The following NTRK2 variants were observed in gnomAD, a reference collection of about 807,000 sequenced individuals.
The protein encoded by NTRK2 is BDNF/NT-3 growth factors receptor.
NTRK2 carries 13 observed loss-of-function variants against 94.5 expected under a neutral mutation model. That is an observed-to-expected ratio of 0.14 (90% CI 0.09 to 0.22). NTRK2 has a LOEUF of 0.22. NTRK2 is among the 10% of genes least tolerant of loss of function. The pLI, the probability that NTRK2 is intolerant of heterozygous loss-of-function variation, is 1.00. For synonymous variants in NTRK2, 372 were observed against 407.4 expected (o/e 0.91, Z 1.05); for missense variants, 639 against 1,071.2 (o/e 0.60, Z 5.63).
intron 12 of NTRK2, among the ~76,000 whole-genome samples, chr9:84,798,648 C>T (rs1297492734): frequency 4.6e-5 from 7 of 152,126 alleles, no homozygotes; most frequent in African/African-American, 9.7e-5. Flanking sequence ...CAAAAGTTCC[C>T]GGATACAGTG....
chr9:84,855,122 G>A (rs570556764), intron 12 of NTRK2, among the ~76,000 whole-genome samples: 34 of 152,204 alleles, frequency 2.2e-4, no homozygotes, highest in African/African-American at 7.9e-4. Flanking sequence ...TCTGTAGTAA[G>A]GATCAGAAGT....
chr9:84,720,952 T>G (rs1281197753), intron 6 of NTRK2, among the ~76,000 whole-genome samples: 1 of 152,166 alleles, frequency 6.6e-6, no homozygotes, highest in Non-Finnish European at 1.5e-5. Flanking sequence ...GATTAGAGAA[T>G]TAAATGGACT....
At chr9:84,701,755 A>G (rs1465315017) in intron 2 of NTRK2, among the ~76,000 whole-genome samples, 2 of 152,170 alleles carry the variant, frequency 1.3e-5, no homozygotes, top group African/African-American at 2.4e-5. Context: ...GTGGGGAAAT[A>G]TGTGACTTTT....
At chr9:84,797,986 A>G (rs2069824499) in intron 12 of NTRK2, among the ~76,000 whole-genome samples, 1 of 147,958 alleles carries the variant, frequency 6.8e-6, no homozygotes, top group South Asian at 2.1e-4. Flanking sequence ...ACTCCTGGGT[A>G]TGAGCCATTG....
chr9:84,689,859 C>G (rs979649206), intron 2 of NTRK2, among the ~76,000 whole-genome samples: 1 of 152,158 alleles, frequency 6.6e-6, no homozygotes, highest in African/African-American at 2.4e-5. Context: ...GTTCTAGGTA[C>G]CTCAAAAATG....
chr9:84,673,624 T>C (rs1176670817), intron 2 of NTRK2, among the ~76,000 whole-genome samples: 1 of 152,132 alleles, frequency 6.6e-6, no homozygotes, highest in Non-Finnish European at 1.5e-5. Context: ...GCCCTTAGGG[T>C]TCTAAGAACA....
At chr9:84,972,974 C>G (rs1826363906) in intron 17 of NTRK2, among the ~76,000 whole-genome samples, 1 of 152,218 alleles carries the variant, frequency 6.6e-6, no homozygotes, top group African/African-American at 2.4e-5. Flanking sequence ...CCATTGAGCC[C>G]TCTTTCCATG....
At chr9:84,672,799 A>C (rs1459436550) in intron 2 of NTRK2, among the ~76,000 whole-genome samples, 1 of 152,216 alleles carries the variant, frequency 6.6e-6, no homozygotes, top group Non-Finnish European at 1.5e-5. Context: ...GATGTATATG[A>C]AATCAATTGA....
In NTRK2 at chr9:84,983,724, C is replaced by T. The variant is rs76453163; in HGVS notation, c.2172+28207C>T. On this transcript the variant is annotated intron_variant, in intron 17 of 18. Coordinates refer to ENST00000277120, the MANE Select transcript of NTRK2 (RefSeq NM_006180.6). ...ACAAAAAACTAGTTATTTTAACATC[C>T]CTACTGCCCCTCCGCCCCCACACAC... is the stretch of plus-strand genomic sequence containing the variant. 7.9e-3 allele frequency among the ~76,000 whole-genome samples: 1,208 copies of T among 152,282 alleles called. 18 individuals are homozygous for T. The highest frequency in any genetic ancestry group is 0.028 in the African/African-American group (1,161 of 41,546).
intron 9 of NTRK2, among the ~76,000 whole-genome samples, chr9:84,730,727 C>A (rs1314845212): frequency 1.7e-5 from 1 of 57,466 alleles, no homozygotes; most frequent in Non-Finnish European, 2.9e-5. Context: ...GGCGACAGAG[C>A]GAGACTCCGT....
chr9:84,938,564 C>T (rs11790615), intron 15 of NTRK2, among the ~76,000 whole-genome samples: 3,977 of 152,152 alleles, frequency 0.026, 87 homozygotes, highest in East Asian at 0.059. Context: ...TATTTCTGGG[C>T]TTATTTAATG....
chr9:85,013,621 A>G (rs959666745), intron 17 of NTRK2, among the ~76,000 whole-genome samples: 1 of 152,228 alleles, frequency 6.6e-6, no homozygotes, highest in African/African-American at 2.4e-5. Context: ...TGTAATAAAT[A>G]AATAAATAAG....
chr9:84,918,455 T>C (rs1165462280), intron 14 of NTRK2, among the ~76,000 whole-genome samples: 1 of 152,234 alleles, frequency 6.6e-6, no homozygotes, highest in East Asian at 1.9e-4. Context: ...ATGCAGGGAT[T>C]CACATACCAT....
chr9:84,990,796 GAA>G (rs914674916), intron 17 of NTRK2, among the ~76,000 whole-genome samples: 6 of 152,300 alleles, frequency 3.9e-5, no homozygotes, highest in Admixed American at 3.3e-4. Context: ...GCAACAGGAA[GAA>G]AAGAGACCTG....
chr9:84,719,209 C>T (rs1376308166), intron 6 of NTRK2, among the ~76,000 whole-genome samples: 1 of 152,036 alleles, frequency 6.6e-6, no homozygotes, highest in Non-Finnish European at 1.5e-5. Context: ...TCTATATGTA[C>T]TCGGACAATG....
intron 6 of NTRK2, among the ~76,000 whole-genome samples, chr9:84,720,480 T>C (rs1564121455): frequency 1.3e-5 from 2 of 152,176 alleles, no homozygotes; most frequent in African/African-American, 2.4e-5. Flanking sequence ...TTCCTCAAAA[T>C]GATTTCATGA....
intron 13 of NTRK2, among the ~76,000 whole-genome samples, chr9:84,864,168 A>G (rs2075462747): frequency 1.3e-5 from 2 of 152,118 alleles, no homozygotes; most frequent in Non-Finnish European, 2.9e-5. Flanking sequence ...ATGTTCATGA[A>G]CTTCAGAGCA....
intron 2 of NTRK2, among the ~76,000 whole-genome samples, chr9:84,692,451 CTTTTTTTTCTTTTTTTCT>C (rs1223479565): frequency 7.5e-6 from 1 of 133,226 alleles, no homozygotes; most frequent in Non-Finnish European, 1.6e-5. Flanking sequence ...CTTTTCTTTT[CTTTTTTTTCTTTTTTTCT>C]TTTTTTTTTT....
At chr9:84,975,472 C>G (rs1826725110) in intron 17 of NTRK2, among the ~76,000 whole-genome samples, 2 of 152,148 alleles carry the variant, frequency 1.3e-5, no homozygotes, top group Admixed American at 1.3e-4. Context: ...TCTAGGCAGA[C>G]TAAAGGGGGT....
Sources: gnomAD v4.1 joint callset for allele counts (sites outside exome capture counted in the v4.1 genomes callset) on GRCh38, gnomAD v4.1.1 for gene constraint, MANE v1.5 for transcripts, NCBI Gene and HGNC (gene_info 2026-07-23, HGNC 2026-07-21) for gene names.